The following CA10 variants were observed in gnomAD, a reference collection of about 807,000 sequenced individuals.
The protein encoded by CA10 is carbonic anhydrase-related protein 10.
CA10 carries 14 observed loss-of-function variants against 44.2 expected under a neutral mutation model. That is an observed-to-expected ratio of 0.32 (90% confidence interval 0.21 to 0.50). The LOEUF (loss-of-function observed/expected upper bound fraction) is 0.50, where lower values mean the gene tolerates loss of function less well. Among genes scored for constraint, CA10 ranks in the 20% least tolerant of loss-of-function variants. The probability of loss-of-function intolerance (pLI) is 0.99; values close to 1 mark genes in which losing one functional copy is unlikely to be tolerated. For synonymous variants in CA10, 159 were observed against 141.6 expected (o/e 1.12, Z -0.87); for missense variants, 350 against 409.7 (o/e 0.85, Z 1.26).
intron 1 of CA10, among the ~76,000 whole-genome samples, chr17:52,106,362 T>C (rs918172060): frequency 5.9e-5 from 9 of 152,240 alleles, no homozygotes; most frequent in African/African-American, 2.2e-4. Flanking sequence ...CCTCCACCGC[T>C]GATTTGTTTA....
At chr17:51,981,590 A>C (rs752289477) in intron 2 of CA10, among the ~76,000 whole-genome samples, 1 of 152,008 alleles carries the variant, frequency 6.6e-6, no homozygotes, top group Non-Finnish European at 1.5e-5. Context: ...GTGGAGGTGT[A>C]TTACATAGAC....
chr17:51,636,058 G>C (rs1226638891), intron 6 of CA10, 49 bp from the exon 7 acceptor site: 1 of 1,276,862 alleles, frequency 7.8e-7, no homozygotes, highest in Non-Finnish European at 1.1e-6. Flanking sequence ...AGAAAGGGAT[G>C]GTATTGCTGA....
At chr17:51,715,814 T>G (rs1370708034) in intron 4 of CA10, among the ~76,000 whole-genome samples, 1 of 152,084 alleles carries the variant, frequency 6.6e-6, no homozygotes, top group East Asian at 1.9e-4. Context: ...CCACAGCCTC[T>G]GAGTAGCTGG....
intron 4 of CA10, among the ~76,000 whole-genome samples, chr17:51,678,236 A>G (rs796328477): frequency 2.6e-5 from 4 of 152,306 alleles, no homozygotes; most frequent in African/African-American, 9.6e-5. Context: ...AGTGACTTTA[A>G]TAGATAATGG....
At chr17:51,877,968 C>A (rs1441308567) in intron 3 of CA10, among the ~76,000 whole-genome samples, 1 of 151,372 alleles carries the variant, frequency 6.6e-6, no homozygotes, top group Non-Finnish European at 1.5e-5. Flanking sequence ...CATGGTGAAA[C>A]CCCAACTCTA....
intron 1 of CA10, among the ~76,000 whole-genome samples, chr17:52,137,300 G>A (rs1246182399): frequency 6.6e-6 from 1 of 151,774 alleles, no homozygotes; most frequent in Non-Finnish European, 1.5e-5. Flanking sequence ...ATTTCTCCAG[G>A]GTTGATGTGA....
At chr17:51,969,950 T>C (rs928123626) in intron 2 of CA10, among the ~76,000 whole-genome samples, 8 of 152,068 alleles carry the variant, frequency 5.3e-5, no homozygotes, top group Non-Finnish European at 1.0e-4. Flanking sequence ...TTGGATGCTC[T>C]AACTGCAGTG....
chr17:52,089,315 A>C (rs1988200971), intron 1 of CA10, among the ~76,000 whole-genome samples: 1 of 152,228 alleles, frequency 6.6e-6, no homozygotes, highest in African/African-American at 2.4e-5. Flanking sequence ...AAGTGTCACC[A>C]CAGGGACCAA....
At position 51,679,506 on chromosome 17, in the gene CA10, C is replaced by T. The variant is rs189653310; in HGVS notation, c.466-25770G>A. 1.6e-3 allele frequency among the ~76,000 whole-genome samples: 247 copies of T among 151,764 alleles called. 2 individuals are homozygous for T. Among genetic ancestry groups the T allele is most frequent in the African/African-American group, 5.6e-3 (233 of 41,294 alleles). ...TTGATCTCCTGACCTCGTGATCTGCCCGCCTTGGCCTCCCAAAGTGCTGGG... is the reference window on the plus strand; with the variant it reads ...TTGATCTCCTGACCTCGTGATCTGCTCGCCTTGGCCTCCCAAAGTGCTGGG... On this transcript the variant is annotated intron_variant, in intron 4 of 8. Transcript: ENST00000451037.
chr17:51,680,440 T>C (rs544784755), intron 4 of CA10, among the ~76,000 whole-genome samples: 19 of 152,286 alleles, frequency 1.2e-4, no homozygotes, highest in Admixed American at 6.5e-4. Flanking sequence ...ATTAAACCAA[T>C]TGGGCAAGTG....
At chr17:51,671,797 C>T (rs1914438502) in intron 4 of CA10, among the ~76,000 whole-genome samples, 1 of 152,216 alleles carries the variant, frequency 6.6e-6, no homozygotes, top group Non-Finnish European at 1.5e-5. Flanking sequence ...TCCTAAATTG[C>T]TATCTCCTCC....
chr17:51,720,014 G>A (rs1294826519), intron 4 of CA10, among the ~76,000 whole-genome samples: 1 of 152,128 alleles, frequency 6.6e-6, no homozygotes. Context: ...CTGAACCCTG[G>A]TTTTCCAGCA....
At chr17:51,647,753 T>G (rs1597960980) in intron 6 of CA10, among the ~76,000 whole-genome samples, 1 of 152,226 alleles carries the variant, frequency 6.6e-6, no homozygotes, top group Non-Finnish European at 1.5e-5. Flanking sequence ...ATAATAATCT[T>G]TTATGGGCAG....
chr17:51,704,072 G>T (rs1915685696), intron 4 of CA10, among the ~76,000 whole-genome samples: 1 of 152,196 alleles, frequency 6.6e-6, no homozygotes, highest in Non-Finnish European at 1.5e-5. Context: ...ATGGAAGCTT[G>T]TGGATTATAA....
chr17:51,729,774 T>C (rs1916653240), intron 4 of CA10, among the ~76,000 whole-genome samples: 1 of 152,228 alleles, frequency 6.6e-6, no homozygotes, highest in Admixed American at 6.5e-5. Flanking sequence ...ACATCTCTGC[T>C]TTCTCTAATG....
intron 2 of CA10, among the ~76,000 whole-genome samples, chr17:52,049,508 T>C (rs1214897697): frequency 1.3e-5 from 2 of 152,164 alleles, no homozygotes; most frequent in Non-Finnish European, 2.9e-5. Flanking sequence ...CCTCACTATG[T>C]TCACATAGTC....
intron 3 of CA10, among the ~76,000 whole-genome samples, chr17:51,774,601 G>A (rs934783930): frequency 1.1e-4 from 16 of 151,870 alleles, no homozygotes; most frequent in Admixed American, 9.8e-4. Context: ...CACCACATCC[G>A]GCTAATTTTT....
At position 51,808,703 on chromosome 17, in the gene CA10, T is replaced by C. The variant is rs139470313; in HGVS notation, c.280-60885A>G. 4.5e-3 allele frequency among the ~76,000 whole-genome samples: 682 copies of C among 152,264 alleles called. 7 individuals are homozygous for C. The highest frequency in any genetic ancestry group is 0.01 in the Middle Eastern group (3 of 292). On this transcript the variant is annotated intron_variant, in intron 3 of 8. Transcript: ENST00000451037. ...AGCTTGGAAAGTGCCTATAATATTG[T>C]AAGTGGAAAAAGCGAGCAAAATTGT...
chr17:51,790,032 G>A (rs1421150914), intron 3 of CA10, among the ~76,000 whole-genome samples: 5 of 152,196 alleles, frequency 3.3e-5, no homozygotes, highest in African/African-American at 1.2e-4. Context: ...TCTGCTGGGT[G>A]AAGCTGGGTC....
Sources: allele counts gnomAD v4.1 joint callset (sites outside exome capture counted in the v4.1 genomes callset), GRCh38; gene constraint gnomAD v4.1.1; transcripts MANE v1.5; gene names NCBI Gene and HGNC (gene_info 2026-07-23, HGNC 2026-07-21).